The following CC2D2B variants were observed in gnomAD, a reference collection of about 807,000 sequenced individuals.
CC2D2B encodes the protein coiled-coil and C2 domain containing 2B.
A neutral mutation model predicts 161.2 loss-of-function variants in CC2D2B; 128 were observed. That is an observed-to-expected ratio of 0.79 (90% CI 0.69 to 0.92). The LOEUF (loss-of-function observed/expected upper bound fraction) is 0.92, where lower values mean the gene tolerates loss of function less well. Among genes scored for constraint, CC2D2B ranks in the 40% least tolerant of loss-of-function variants. The pLI is 0.00. For synonymous variants in CC2D2B, 391 were observed against 449.8 expected (o/e 0.87, Z 1.65); for missense variants, 1,173 against 1,375.1 (o/e 0.85, Z 2.32).
chr10:95,976,612 C>G (rs1439790429), intron 17 of CC2D2B, among the ~76,000 whole-genome samples: 1 of 152,154 alleles, frequency 6.6e-6, no homozygotes, highest in Non-Finnish European at 1.5e-5. Flanking sequence ...GCAGGACTGA[C>G]TTGTGGAAGT....
At chr10:96,006,667 C>T (rs554208010) in intron 25 of CC2D2B, among the ~76,000 whole-genome samples, 1 of 152,058 alleles carries the variant, frequency 6.6e-6, no homozygotes, top group African/African-American at 2.4e-5. Context: ...AATTATCTTC[C>T]AGGACAAAGA....
In CC2D2B at chr10:96,019,843, G is replaced by A. The variant is rs145071868; in HGVS notation, c.3888+19G>A. ...CATACAGGTAAATCATATTTTCCCA[G>A]GGGTGTCTGTATGAGAGTTACCATT... On this transcript the variant is annotated intron_variant, in intron 32 of 34. Coordinates refer to ENST00000646931, the MANE Select transcript of CC2D2B (RefSeq NM_001349008.3). 6.3e-7 allele frequency: 1 copy of A among 1,595,286 alleles called. No homozygotes were observed. Among genetic ancestry groups the A allele is most frequent in the African/African-American group, 1.4e-5 (1 of 73,378 alleles).
Position 96,022,881 on chromosome 10 carries a change from G to T in CC2D2B, c.3889-1972G>T, listed in dbSNP as rs1010662821. 1.1e-4 allele frequency among the ~76,000 whole-genome samples: 16 copies of T among 152,312 alleles called. 1 individual carries two copies. Among genetic ancestry groups the T allele is most frequent in the African/African-American group, 3.9e-4 (16 of 41,558 alleles). On this transcript the variant is annotated intron_variant, in intron 32 of 34. Coordinates refer to ENST00000646931, the MANE Select transcript of CC2D2B (RefSeq NM_001349008.3). The stretch of plus-strand genomic sequence containing the variant: ...GGCCCTGAGGGAGGGGAGTTGTAGG[G>T]GCTTCCTGGGAAAGAGTGATGAGAA...
chr10:95,950,911 C>T (rs1380586508), intron 10 of CC2D2B, among the ~76,000 whole-genome samples: 1 of 152,004 alleles, frequency 6.6e-6, no homozygotes, highest in Admixed American at 6.6e-5. Flanking sequence ...CCTCTACCTC[C>T]CGAGTTCAAG....
intron 33 of CC2D2B, among the ~76,000 whole-genome samples, chr10:96,026,155 A>G (rs2079764720): frequency 6.6e-6 from 1 of 152,192 alleles, no homozygotes; most frequent in Non-Finnish European, 1.5e-5. Context: ...TAGTTGCACT[A>G]TAAACTCAGC....
chr10:95,975,517 A>G (rs2077283013), intron 17 of CC2D2B, among the ~76,000 whole-genome samples: 1 of 152,240 alleles, frequency 6.6e-6, no homozygotes, highest in African/African-American at 2.4e-5. Context: ...TTGGGGCCAT[A>G]TTTATCTTCT....
At chr10:95,965,824 G>GTGTTT in intron 12 of CC2D2B, 72 bp from the exon 13 acceptor site, 8 of 322,832 alleles carry the variant, frequency 2.5e-5, no homozygotes, top group Non-Finnish European at 3.6e-5. Flanking sequence ...TGTGTGTGTT[G>GTGTTT]GCAAAATCTC....
intron 33 of CC2D2B, among the ~76,000 whole-genome samples, chr10:96,025,687 C>T (rs995208699): frequency 5.9e-5 from 9 of 152,200 alleles, no homozygotes; most frequent in African/African-American, 1.9e-4. Flanking sequence ...AGCACCTACA[C>T]GTAAGTGCCT....
intron 11 of CC2D2B, among the ~76,000 whole-genome samples, chr10:95,955,884 G>A (rs1438616170): frequency 6.6e-6 from 1 of 152,134 alleles, no homozygotes; most frequent in Admixed American, 6.6e-5. Context: ...AAGGACCCCT[G>A]TAAAAAGCAT....
chr10:96,019,605 T>C (rs1210780598), intron 31 of CC2D2B, 97 bp from the exon 32 acceptor site: 3 of 1,207,860 alleles, frequency 2.5e-6, no homozygotes, highest in South Asian at 1.6e-5. Context: ...TGCCACTTCA[T>C]TGAGTAGTAA....
Position 95,982,072 on chromosome 10 carries a change from C to G in CC2D2B, c.2041C>G (p.Pro681Ala). Residue 681 changes from proline to alanine, a missense_variant, in exon 18 of 35, where the codon CCA becomes GCA. Around this residue, in one of 3 missense-constraint regions of CC2D2B, gnomAD observed 277 missense variants for 420.6 expected, o/e 0.66. Coordinates refer to ENST00000646931, the MANE Select transcript of CC2D2B (RefSeq NM_001349008.3). The part of the protein sequence containing the change: ...FEWANEVRID[P>A]NNPEYSDLME... ...ATGGGCAAATGAAGTCAGAATTGAT[C>G]CAAATAATCCAGAATATTCTGATTT... The G allele has an allele frequency of 8.1e-7, 1 of 1,230,782 alleles. No individual in the cohort carries two copies. Among genetic ancestry groups the G allele is most frequent in the South Asian group, 4.1e-5 (1 of 24,272 alleles). 76.2% of individuals were successfully genotyped at this position (1,230,782 alleles called of 1,614,324 possible). A position where few individuals can be genotyped will look rare whatever the true frequency, so the allele number is the denominator to read the frequency against.
chr10:96,006,373 T>C (rs61869171), intron 25 of CC2D2B, among the ~76,000 whole-genome samples: 7,292 of 149,402 alleles, frequency 0.049, 234 homozygotes, highest in Middle Eastern at 0.085. Context: ...TATATATACA[T>C]AACATTTCTT....
At chr10:95,916,572 T>C (rs1452713901) in intron 2 of CC2D2B, among the ~76,000 whole-genome samples, 1 of 152,146 alleles carries the variant, frequency 6.6e-6, no homozygotes, top group East Asian at 1.9e-4. Flanking sequence ...GCTTTTGCTG[T>C]ATCCCATAGG....
intron 9 of CC2D2B, among the ~76,000 whole-genome samples, chr10:95,940,790 T>G (rs1423052298): frequency 1.3e-5 from 2 of 152,176 alleles, no homozygotes; most frequent in African/African-American, 2.4e-5. Context: ...GTTAAAAATA[T>G]CCATACTACC....
rs143603075 is a variant in CC2D2B, at chr10:96,031,700, A to C, written c.4126-120A>C. On this transcript the variant is annotated intron_variant, in intron 34 of 34. Coordinates refer to ENST00000646931, the MANE Select transcript of CC2D2B (RefSeq NM_001349008.3). ...AGAACATAATTTGGCACCCACAGAC[A>C]ACTATTATAGTATTTTATGAGTACT... The C allele has an allele frequency of 1.3e-4, 115 of 888,934 alleles. No individual in the cohort carries two copies. In the African/African-American group the frequency reaches 1.6e-3, roughly 12 times the overall value. The allele number at this position is 888,934 out of a possible 1,614,324, so 55.1% of individuals were successfully genotyped here.
chr10:96,017,303 G>A (rs188015692), intron 30 of CC2D2B, among the ~76,000 whole-genome samples: 5 of 152,104 alleles, frequency 3.3e-5, no homozygotes, highest in African/African-American at 7.2e-5. Flanking sequence ...GTATCCTCTC[G>A]GCATTGTTTA....
chr10:95,914,540 G>T (rs2141115306), intron 2 of CC2D2B, among the ~76,000 whole-genome samples: 1 of 152,294 alleles, frequency 6.6e-6, no homozygotes, highest in African/African-American at 2.4e-5. Flanking sequence ...GGGACCAGAT[G>T]GAGGGAATTG....
At position 95,961,833 on chromosome 10, in the gene CC2D2B, A is replaced by G. The variant is rs1033097996; in HGVS notation, c.1114A>G (p.Thr372Ala). ...LQDYYWQISNTKQMYDLERGK... is the reference protein window; with the variant it reads ...LQDYYWQISNAKQMYDLERGK... The stretch of plus-strand genomic sequence containing the variant: ...GCTCTGCCATTTTTGTTGTAGTAAT[A>G]CAAAACAGATGTATGACTTAGAAAG... Residue 372 changes from threonine (T) to alanine (A), a missense_variant, in exon 12 of 35, where the codon ACA becomes GCA. Coordinates refer to ENST00000646931, the MANE Select transcript of CC2D2B (RefSeq NM_001349008.3). The G allele has an allele frequency of 1.6e-6, 2 of 1,231,414 alleles. No individual in the cohort carries two copies. Among genetic ancestry groups the G allele is most frequent in the African/African-American group, 3.1e-5 (2 of 64,372 alleles). The allele number at this position is 1,231,414 out of a possible 1,614,324, so 76.3% of individuals were successfully genotyped here.
rs1432882555 is a variant in CC2D2B at position 96,027,382 on chromosome 10, T to C, written c.4118T>C (p.Phe1373Ser). Residue 1373 changes from phenylalanine to serine, a missense_variant, in exon 34 of 35, where the codon TTT becomes TCT. Phe to Ser is a radical substitution (Grantham distance 155). Coordinates refer to ENST00000646931, the MANE Select transcript of CC2D2B (RefSeq NM_001349008.3). ...GDNEFERILQ[F>S]YWVTGFPIQM... ...AATGAATTTGAAAGAATACTACAATTTTATTGGGTTTGTATATGATTTAAT... is the reference window on the plus strand; with the variant it reads ...AATGAATTTGAAAGAATACTACAATCTTATTGGGTTTGTATATGATTTAAT... 1.3e-6 allele frequency: 2 copies of C among 1,543,858 alleles called. No individual in the cohort carries two copies. The highest frequency in any genetic ancestry group is 4.9e-5 in the East Asian group (2 of 40,794).
Sources: gnomAD v4.1 joint callset for allele counts (sites outside exome capture counted in the v4.1 genomes callset) on GRCh38, gnomAD v4.1.1 for gene constraint, gnomAD v4.1.1 regional missense constraint, MANE v1.5 for transcripts, NCBI Gene and HGNC (gene_info 2026-07-23, HGNC 2026-07-21) for gene names.